The following MICAL3 variants were observed in gnomAD, a reference collection of about 807,000 sequenced individuals.
MICAL3 encodes the protein microtubule associated monooxygenase, calponin and LIM domain containing 3.
A neutral mutation model predicts 207.4 loss-of-function variants in MICAL3; 62 were observed. The ratio of observed to expected loss-of-function variants is 0.30; its 90% CI spans 0.24 to 0.37. The LOEUF (loss-of-function observed/expected upper bound fraction) is 0.37, where lower values mean the gene tolerates loss of function less well. MICAL3 is among the 10% of genes least tolerant of loss of function. MICAL3 has a pLI of 1.00. For synonymous variants in MICAL3, 1,077 were observed against 1,069.3 expected, an observed-to-expected ratio of 1.01 and a Z score of -0.14; for missense variants, 2,368 against 2,635.6, an observed-to-expected ratio of 0.90 and a Z score of 2.22.
At chr22:17,811,931 C>T (rs389347) in intron 27 of MICAL3, among the ~76,000 whole-genome samples, 77,045 of 151,592 alleles carry the variant, frequency 0.51, 22,993 homozygotes, top group African/African-American at 0.85. Flanking sequence ...TTTTTTTTTG[C>T]AGAGACGGGA....
At chr22:17,993,251 CTTTTT>C (rs5844343) in intron 1 of MICAL3, among the ~76,000 whole-genome samples, 3 of 150,044 alleles carry the variant, frequency 2.0e-5, no homozygotes, top group East Asian at 2.0e-4. Flanking sequence ...TCCCAGATGG[CTTTTT>C]TTTTTTAATT....
At chr22:17,901,352 C>T (rs1931300713) in intron 5 of MICAL3, among the ~76,000 whole-genome samples, 1 of 152,134 alleles carries the variant, frequency 6.6e-6, no homozygotes, top group Admixed American at 6.6e-5. Context: ...GGTTGGTCTC[C>T]TAGTGCCTCA....
At chr22:17,877,503 A>AGGGAGG (rs1569110675) in intron 16 of MICAL3, among the ~76,000 whole-genome samples, 3 of 137,774 alleles carry the variant, frequency 2.2e-5, no homozygotes, top group Non-Finnish European at 1.5e-5. Flanking sequence ...TAGGGAGGTT[A>AGGGAGG]TGGAGGTTAG....
chr22:17,877,349 T>TAGGGAGGTTAGGGAGGTG (rs1569110274), intron 16 of MICAL3, among the ~76,000 whole-genome samples: 2 of 94,244 alleles, frequency 2.1e-5, no homozygotes, highest in Admixed American at 2.0e-4. Flanking sequence ...TTAGGGAGGT[T>TAGGGAGGTTAGGGAGGTG]AGGGAGGTTA....
At position 17,865,967 on chromosome 22, in the gene MICAL3, T is replaced by C. The variant is rs1927066102; in HGVS notation, c.2474A>G (p.Tyr825Cys). Residue 825 changes from tyrosine (Y) to cysteine (C), a missense_variant, in exon 18 of 32, where the codon TAC becomes TGC. Around this residue, in one of 4 missense-constraint regions of MICAL3, gnomAD observed 1,770 missense variants for 1,863.2 expected, o/e 0.95. Coordinates refer to ENST00000441493, the MANE Select transcript of MICAL3 (RefSeq NM_015241.3). Reference protein sequence around the residue: ...KPHYCYRLSGYAQRKRPAVAP... With the variant: ...KPHYCYRLSGCAQRKRPAVAP... ...CACTGCCGGTCTCTTCCTTTGTGCGTAGCCAGAGAGTCGATAGCAGTAGTG... is the reference window on the plus strand; with the variant it reads ...CACTGCCGGTCTCTTCCTTTGTGCGCAGCCAGAGAGTCGATAGCAGTAGTG... 4 of 1,614,032 alleles carry C rather than the reference T, an allele frequency of 2.5e-6. No individual in the cohort carries two copies. The highest frequency in any genetic ancestry group is 2.5e-6 in the Non-Finnish European group (3 of 1,179,874).
chr22:17,864,743 G>C, intron 19 of MICAL3, 156 bp downstream of exon 19: 1 of 1,613,840 alleles, frequency 6.2e-7, no homozygotes, highest in Non-Finnish European at 8.5e-7. Context: ...CCGAACGCAA[G>C]CAGCTGGCAC....
intron 1 of MICAL3, among the ~76,000 whole-genome samples, chr22:17,997,928 CA>C (rs35872228): frequency 0.35 from 49,803 of 141,482 alleles, 9,846 homozygotes; most frequent in African/African-American, 0.57. Context: ...CTTCCGCTTC[CA>C]AAAAAAAAAA....
intron 21 of MICAL3, among the ~76,000 whole-genome samples, chr22:17,828,700 C>G (rs988214342): frequency 4.6e-5 from 7 of 152,162 alleles, no homozygotes; most frequent in Admixed American, 1.3e-4. Context: ...GGATCCCTGC[C>G]CTGTGGGATC....
intron 1 of MICAL3, among the ~76,000 whole-genome samples, chr22:17,944,253 G>C (rs1024112335): frequency 6.6e-6 from 1 of 152,122 alleles, no homozygotes; most frequent in Non-Finnish European, 1.5e-5. Context: ...AGAGGTTCTC[G>C]GGACTTCATT....
chr22:17,910,883 C>CG (rs1191781859), intron 1 of MICAL3, among the ~76,000 whole-genome samples: 1 of 152,234 alleles, frequency 6.6e-6, no homozygotes, highest in Non-Finnish European at 1.5e-5. Context: ...GCCTGTCCTG[C>CG]ACCACCCTGT....
intron 11 of MICAL3, 116 bp from the exon 12 acceptor site, chr22:17,891,748 C>A: frequency 1.1e-6 from 1 of 888,846 alleles, no homozygotes; most frequent in Non-Finnish European, 1.8e-6. Context: ...AGGGACGAAA[C>A]AGTCAACACT....
chr22:17,988,477 C>T (rs1472946108), intron 1 of MICAL3, among the ~76,000 whole-genome samples: 3 of 152,310 alleles, frequency 2.0e-5, no homozygotes, highest in Admixed American at 6.5e-5. Flanking sequence ...TTTCCTGAGA[C>T]GGAGTCTCAC....
chr22:17,905,729 G>A (rs1421903334), intron 2 of MICAL3, among the ~76,000 whole-genome samples: 1 of 152,130 alleles, frequency 6.6e-6, no homozygotes, highest in African/African-American at 2.4e-5. Flanking sequence ...TCTCACACTA[G>A]GTGTTCTTCT....
At chr22:17,992,609 C>G (rs985241257) in intron 1 of MICAL3, among the ~76,000 whole-genome samples, 13 of 152,130 alleles carry the variant, frequency 8.5e-5, no homozygotes, top group Non-Finnish European at 1.8e-4. Context: ...AGGAATCCCC[C>G]CTGCTCCCTG....
At position 17,817,865 on chromosome 22, in the gene MICAL3, G is replaced by A. The variant is rs1210895185; in HGVS notation, c.4796C>T (p.Ala1599Val). The A allele has an allele frequency of 6.2e-7, 1 of 1,612,296 alleles. No homozygotes were observed. Among genetic ancestry groups the A allele is most frequent in the Admixed American group, 1.7e-5 (1 of 59,988 alleles). ...AKELAEERMR[A>V]REKSVKSQAL... Reference sequence around the variant, plus strand: ...CTGGCTCTTCACGGACTTCTCCCTGGCTCGCATGCGCTCCTCGGCCAACTC... The same window carrying A: ...CTGGCTCTTCACGGACTTCTCCCTGACTCGCATGCGCTCCTCGGCCAACTC... Residue 1599 changes from alanine to valine, a missense_variant, in exon 26 of 32, where the codon GCC (alanine) becomes GTC (valine). Physicochemically the swap from Ala to Val is moderately conservative, Grantham distance 64. Coordinates refer to ENST00000441493, the MANE Select transcript of MICAL3 (RefSeq NM_015241.3).
chr22:17,822,047 G>C lies in MICAL3; in HGVS notation c.3431C>G (p.Pro1144Arg), dbSNP rs368481659. Residue 1144 changes from proline to arginine, a missense_variant, in exon 24 of 32, where the codon CCG (proline) becomes CGG (arginine). This residue lies in a region of MICAL3 where 1,770 missense variants were observed against 1,863.2 expected (regional missense o/e 0.95). Coordinates refer to ENST00000441493, the MANE Select transcript of MICAL3 (RefSeq NM_015241.3). ...SEDEEKLPASPKHQERGPSQA... is the reference protein window; with the variant it reads ...SEDEEKLPASRKHQERGPSQA... ...AGGCTCACCTCTCTCTTGGTGCTTC[G>C]GTGAGGCGGGCAGCTTCTCCTCATC... The C allele has an allele frequency of 6.2e-7, 1 of 1,613,856 alleles. No homozygotes were observed. The highest frequency in any genetic ancestry group is 2.2e-5 in the East Asian group (1 of 44,882).
chr22:17,889,184 G>A lies in MICAL3; in HGVS notation c.1741C>T (p.Leu581=), dbSNP rs1378608983. 1 of 1,613,616 alleles carries A rather than the reference G, an allele frequency of 6.2e-7. No individual in the cohort carries two copies. The highest frequency in any genetic ancestry group is 1.3e-5 in the African/African-American group (1 of 74,932). Residue 581 remains leucine (L), a synonymous_variant, in exon 13 of 32, where the codon CTG becomes TTG. Transcript: ENST00000441493. ...TCCTTCTCAGCAATGTCAAAGGCCA[G>A]TTGGTTATTCTTCTCCACATTTTGC... The part of the protein sequence containing the change: ...DEQNVEKNNQ[L]AFDIAEKELG...
chr22:17,957,796 T>C (rs1415227345), intron 1 of MICAL3, among the ~76,000 whole-genome samples: 2 of 151,382 alleles, frequency 1.3e-5, no homozygotes, highest in African/African-American at 2.4e-5. Context: ...CTTTCTTTCT[T>C]TACTAAGAGA....
chr22:17,877,477 G>A (rs1263388510), intron 16 of MICAL3, among the ~76,000 whole-genome samples: 29 of 116,876 alleles, frequency 2.5e-4, no homozygotes, highest in Non-Finnish European at 2.9e-4. Flanking sequence ...ATGGAGGTTA[G>A]GGAGGTTATG....
Sources: allele counts gnomAD v4.1 joint callset (sites outside exome capture counted in the v4.1 genomes callset), GRCh38; gene constraint gnomAD v4.1.1; regional missense constraint gnomAD v4.1.1; transcripts MANE v1.5; gene names NCBI Gene and HGNC (gene_info 2026-07-23, HGNC 2026-07-21).